Variants in SGCD observed in about 807,000 individuals in gnomAD.
SGCD encodes delta-sarcoglycan.
SGCD carries 18 observed loss-of-function variants against 36.6 expected under a neutral mutation model. That is an observed-to-expected ratio of 0.49 (90% CI 0.34 to 0.73). The LOEUF (loss-of-function observed/expected upper bound fraction) is 0.73, where lower values mean the gene tolerates loss of function less well. SGCD is among the 30% of genes least tolerant of loss of function. The pLI is 0.01. For missense variants in SGCD, 387 were observed against 346.7 expected, an observed-to-expected ratio of 1.12 and a Z score of -0.92; for synonymous variants, 133 against 130.6, an observed-to-expected ratio of 1.02 and a Z score of -0.12.
chr5:156,743,402 G>A (rs142909980), intron 7 of SGCD, among the ~76,000 whole-genome samples: 196 of 152,220 alleles, frequency 1.3e-3, no homozygotes, highest in Middle Eastern at 0.01. Context: ...ATGAACCACC[G>A]CGCCCAGCCT....
intron 4 of SGCD, among the ~76,000 whole-genome samples, chr5:156,514,915 C>G (rs1757092041): frequency 6.6e-6 from 1 of 152,108 alleles, no homozygotes; most frequent in Non-Finnish European, 1.5e-5. Flanking sequence ...AAGTGAGGTC[C>G]AGAAATGGTA....
chr5:156,508,695 C>T lies in SGCD; in HGVS notation c.287C>T (p.Ser96Phe). Residue 96 changes from serine (S) to phenylalanine (F), a missense_variant, in exon 4 of 9, where the codon TCC becomes TTC. By Grantham distance (155) the Ser-to-Phe change is radical. Transcript: ENST00000337851. Reference protein sequence around the residue: ...LQPLYAKEIQSRPGNALYFKS... With the variant: ...LQPLYAKEIQFRPGNALYFKS... ...CCTCTCTACGCCAAAGAAATCCAGT[C>T]CCGACCAGTAAGTTTCTGCTGAGAG... The T allele has an allele frequency of 6.3e-7, 1 of 1,578,640 alleles. No homozygotes were observed. Among genetic ancestry groups the T allele is most frequent in the Non-Finnish European group, 8.7e-7 (1 of 1,154,694 alleles).
chr5:156,516,629 C>A (rs1178407454), intron 4 of SGCD, among the ~76,000 whole-genome samples: 2 of 152,118 alleles, frequency 1.3e-5, no homozygotes, highest in South Asian at 4.1e-4. Context: ...ATTGCAGCAC[C>A]TTTCTAGCAA....
intron 5 of SGCD, among the ~76,000 whole-genome samples, chr5:156,592,636 G>A (rs1760769153): frequency 6.6e-6 from 1 of 152,036 alleles, no homozygotes; most frequent in Non-Finnish European, 1.5e-5. Flanking sequence ...AATTCTCAGA[G>A]CTCCATTCCA....
intron 3 of SGCD, among the ~76,000 whole-genome samples, chr5:156,365,104 G>T (rs6889255): frequency 0.15 from 22,318 of 152,186 alleles, 2,274 homozygotes; most frequent in African/African-American, 0.29. Context: ...ATGGGCAAAA[G>T]ACTTGAATAG....
At position 156,634,159 on chromosome 5, in the gene SGCD, T is replaced by C. The variant is rs554176495; in HGVS notation, c.503-13305T>C. ...GAGCCTACTCTCCACTAAGGTTAGG[T>C]GTTTACAGATGGCAGGAATAGCTAT... is the stretch of plus-strand genomic sequence containing the variant. On this transcript the variant is annotated intron_variant, in intron 6 of 8. Transcript: ENST00000337851. Among the ~76,000 whole-genome samples the C allele has an allele frequency of 3.3e-5, 5 of 152,252 alleles. No individual in the cohort carries two copies. The South Asian group carries it at 6.2e-4, about 19-fold the overall frequency.
At chr5:155,814,644 A>C in the SGCD span, among the ~76,000 whole-genome samples, 1 of 152,172 alleles carries the variant, frequency 6.6e-6, no homozygotes, top group Admixed American at 6.5e-5. Flanking sequence ...TTGAATATGC[A>C]TGGAGACAGA....
chr5:156,237,646 A>C (rs1385807997), intron 3 of SGCD, among the ~76,000 whole-genome samples: 2 of 152,084 alleles, frequency 1.3e-5, no homozygotes, highest in East Asian at 3.9e-4. Flanking sequence ...CAAAAAACAA[A>C]GCGGGACACT....
At chr5:156,359,830 C>T (rs1219391909) in intron 3 of SGCD, among the ~76,000 whole-genome samples, 2 of 152,178 alleles carry the variant, frequency 1.3e-5, no homozygotes, top group Admixed American at 6.5e-5. Flanking sequence ...ATTGTTTTCT[C>T]TTTGTGTTTT....
intron 3 of SGCD, among the ~76,000 whole-genome samples, chr5:156,476,989 G>A (rs1755207859): frequency 6.8e-6 from 1 of 146,708 alleles, no homozygotes. Context: ...CAATATCCTT[G>A]AACTGCAAGC....
intron 4 of SGCD, among the ~76,000 whole-genome samples, chr5:156,537,763 C>G (rs905109018): frequency 6.6e-6 from 1 of 151,736 alleles, no homozygotes; most frequent in African/African-American, 2.4e-5. Context: ...TAGTCCCATC[C>G]CATCCTGTAT....
chr5:155,741,147 T>C, the SGCD span, among the ~76,000 whole-genome samples: 1 of 152,238 alleles, frequency 6.6e-6, no homozygotes, highest in African/African-American at 2.4e-5. Context: ...GGTTCATCTC[T>C]GCCTGAAGAG....
the SGCD span, among the ~76,000 whole-genome samples, chr5:155,841,036 T>G: frequency 0.056 from 2,243 of 39,856 alleles, 77 homozygotes; most frequent in African/African-American, 0.18. Context: ...AAAAAAAGAC[T>G]GGGGCACTGG....
intron 1 of SGCD, among the ~76,000 whole-genome samples, chr5:156,029,789 A>AT (rs985967057): frequency 7.2e-5 from 11 of 151,948 alleles, no homozygotes; most frequent in Middle Eastern, 3.4e-3. Context: ...CCAACACAGA[A>AT]TTTTTTTTTA....
At chr5:156,068,797 T>G (rs1267662419) in intron 1 of SGCD, among the ~76,000 whole-genome samples, 1 of 151,812 alleles carries the variant, frequency 6.6e-6, no homozygotes, top group Non-Finnish European at 1.5e-5. Context: ...GTTTCCTGAC[T>G]TCTTAATGAT....
At chr5:156,174,848 A>T (rs1382497905) in intron 3 of SGCD, among the ~76,000 whole-genome samples, 2 of 152,218 alleles carry the variant, frequency 1.3e-5, no homozygotes, top group South Asian at 4.1e-4. Context: ...GGCTATAAGA[A>T]CAGAATAGCT....
rs553723622 is a variant in SGCD, at chr5:156,442,375, T to C, written c.193-66226T>C. On this transcript the variant is annotated intron_variant, in intron 3 of 8. Coordinates refer to ENST00000337851, the MANE Select transcript of SGCD (RefSeq NM_000337.6). ...CATTGGTTTAAACCGCTCTACCATT[T>C]CCCATCTCTGGACCTTTTGTAAGTC... Among the ~76,000 whole-genome samples the C allele has an allele frequency of 5.3e-5, 8 of 152,312 alleles. No individual in the cohort carries two copies. The East Asian group carries it at 1.5e-3, about 29-fold the overall frequency.
chr5:156,691,008 A>G (rs1425829113), intron 7 of SGCD, among the ~76,000 whole-genome samples: 1 of 151,970 alleles, frequency 6.6e-6, no homozygotes, highest in Non-Finnish European at 1.5e-5. Context: ...GGAGTTCAAG[A>G]CCAACCTGGC....
chr5:155,911,319 G>GTGTGTGTA (rs145927722), intron 1 of SGCD, among the ~76,000 whole-genome samples: 12,193 of 141,228 alleles, frequency 0.086, 539 homozygotes, highest in African/African-American at 0.12. Flanking sequence ...GTGTGTGTGT[G>GTGTGTGTA]TATATATATA....
Sources: allele counts gnomAD v4.1 joint callset (sites outside exome capture counted in the v4.1 genomes callset), GRCh38; gene constraint gnomAD v4.1.1; transcripts MANE v1.5; gene names NCBI Gene and HGNC (gene_info 2026-07-23, HGNC 2026-07-21).